The following VPS13B variants were observed in gnomAD, a reference collection of about 807,000 sequenced individuals.
VPS13B encodes intermembrane lipid transfer protein VPS13B.
Under a neutral mutation model 426.4 loss-of-function variants are expected in VPS13B, and 285 were observed. That is an observed-to-expected ratio of 0.67 (90% CI 0.61 to 0.74). VPS13B has a LOEUF of 0.74. Ranked by LOEUF, VPS13B falls within the 30% of genes least tolerant of loss-of-function variation. The pLI is 0.00. For missense variants in VPS13B, 4,537 were observed against 4,782.6 expected (o/e 0.95, Z 1.51); for synonymous variants, 1,676 against 1,676.4 (o/e 1.00, Z 0.01).
intron 43 of VPS13B, among the ~76,000 whole-genome samples, chr8:99,793,003 A>AT (rs1358811969): frequency 7.9e-5 from 12 of 151,082 alleles, no homozygotes; most frequent in African/African-American, 2.9e-4. Context: ...TCCAAGTGTT[A>AT]AAGAGCAGCC....
intron 35 of VPS13B, among the ~76,000 whole-genome samples, chr8:99,690,158 C>G (rs917480162): frequency 6.6e-6 from 1 of 152,040 alleles, no homozygotes; most frequent in South Asian, 2.1e-4. Flanking sequence ...ATATTTTTCC[C>G]ACCAGCCTCT....
At chr8:99,557,764 G>C (rs1276780379) in intron 31 of VPS13B, among the ~76,000 whole-genome samples, 2 of 152,066 alleles carry the variant, frequency 1.3e-5, no homozygotes, top group African/African-American at 4.8e-5. Context: ...TACTCTTAAC[G>C]ATTTATAGTC....
intron 39 of VPS13B, among the ~76,000 whole-genome samples, chr8:99,744,741 A>G (rs986589366): frequency 6.0e-5 from 9 of 149,928 alleles, no homozygotes; most frequent in African/African-American, 1.5e-4. Flanking sequence ...AACACTGCAT[A>G]TTCTCACTCA....
rs1810187910 is a variant in VPS13B, at chr8:99,748,016, T to G, written c.7051-18758T>G. Among the ~76,000 whole-genome samples the G allele has an allele frequency of 2.0e-5, 3 of 152,156 alleles. No individual in the cohort carries two copies. In the South Asian group the frequency reaches 6.2e-4, roughly 32 times the overall value. On this transcript the variant is annotated intron_variant, in intron 39 of 61. Coordinates refer to ENST00000357162, the MANE Select transcript of VPS13B (RefSeq NM_152564.5). ...TATCCATCCATACAATTTTTTAGTT[T>G]TCTGTTTTACATCTTTATTTTTGTA... is the stretch of plus-strand genomic sequence containing the variant.
intron 33 of VPS13B, among the ~76,000 whole-genome samples, chr8:99,611,965 G>A (rs1827861285): frequency 6.6e-6 from 1 of 152,052 alleles, no homozygotes; most frequent in African/African-American, 2.4e-5. Context: ...GGTAAATACT[G>A]AGTATTAGCC....
At position 99,134,691 on chromosome 8, in the gene VPS13B, AGTATT is replaced by A. The variant is rs386834072; in HGVS notation, c.1269_1273del (p.Cys425GlyfsTer8). The A allele has an allele frequency of 1.2e-6, 2 of 1,610,512 alleles. No individual in the cohort carries two copies. The highest frequency in any genetic ancestry group is 1.7e-6 in the Non-Finnish European group (2 of 1,178,086). Reference sequence around the variant, plus strand: ...GTCCACAGAAAGTAAAATCTAAAGAAGTATTGTGTTGGGAACAAGAAGGAACTACA... The same window carrying A: ...GTCCACAGAAAGTAAAATCTAAAGAAGTGTTGGGAACAAGAAGGAACTACA... On this transcript the variant is annotated frameshift_variant, in exon 9 of 62. Coordinates refer to ENST00000357162, the MANE Select transcript of VPS13B (RefSeq NM_152564.5). LOFTEE classifies it high-confidence loss of function.
At chr8:99,113,886 C>T (rs1422503905) in intron 6 of VPS13B, among the ~76,000 whole-genome samples, 1 of 152,004 alleles carries the variant, frequency 6.6e-6, no homozygotes, top group African/African-American at 2.4e-5. Context: ...TCAAATCTTT[C>T]ATGTATGTTT....
chr8:99,363,567 G>T (rs1812683160), intron 19 of VPS13B, among the ~76,000 whole-genome samples: 1 of 152,072 alleles, frequency 6.6e-6, no homozygotes, highest in Non-Finnish European at 1.5e-5. Context: ...GGGTAGTATG[G>T]ACGTTTTAAC....
At chr8:99,294,339 A>G (rs986873582) in intron 19 of VPS13B, among the ~76,000 whole-genome samples, 5 of 121,554 alleles carry the variant, frequency 4.1e-5, no homozygotes, top group Admixed American at 9.0e-5. Context: ...GAATTGAACA[A>G]TGAGATCACA....
At chr8:99,491,560 C>A (rs1820604109) in intron 25 of VPS13B, among the ~76,000 whole-genome samples, 2 of 152,150 alleles carry the variant, frequency 1.3e-5, no homozygotes, top group Admixed American at 6.5e-5. Context: ...TTGTTCCTTT[C>A]TTTTCACTCT....
At chr8:99,096,762 A>C (rs2132433266) in intron 4 of VPS13B, among the ~76,000 whole-genome samples, 1 of 152,134 alleles carries the variant, frequency 6.6e-6, no homozygotes, top group Admixed American at 6.5e-5. Context: ...TCTCAAAAAA[A>C]AAAAAAAAAA....
At chr8:99,435,126 G>T (rs1029869175) in intron 22 of VPS13B, among the ~76,000 whole-genome samples, 1 of 152,172 alleles carries the variant, frequency 6.6e-6, no homozygotes, top group Non-Finnish European at 1.5e-5. Context: ...CCTAGGGCAT[G>T]TACTTCCTGG....
intron 30 of VPS13B, among the ~76,000 whole-genome samples, chr8:99,534,763 T>C (rs757905184): frequency 6.6e-6 from 1 of 152,176 alleles, no homozygotes; most frequent in Admixed American, 6.5e-5. Context: ...GCTACTGTCT[T>C]AAGTGTCTGA....
intron 61 of VPS13B, among the ~76,000 whole-genome samples, chr8:99,874,655 A>G (rs1817604407): frequency 6.6e-6 from 1 of 152,078 alleles, no homozygotes; most frequent in African/African-American, 2.4e-5. Flanking sequence ...CTAGATAGCT[A>G]AAGGACTTCA....
In VPS13B at chr8:99,479,060, A is replaced by G. The variant is rs149738935; in HGVS notation, c.3667-2539A>G. ...CTACCTTTAGTGATTCTATTCTGAC[A>G]CTATCTCCTGATACTCTGCAAAATG... On this transcript the variant is annotated intron_variant, in intron 24 of 61. Transcript: ENST00000357162. Among the ~76,000 whole-genome samples the G allele has an allele frequency of 9.9e-3, 1,502 of 152,072 alleles. 14 individuals carry two copies. Among genetic ancestry groups the G allele is most frequent in the Non-Finnish European group, 0.013 (900 of 67,984 alleles).
intron 3 of VPS13B, among the ~76,000 whole-genome samples, chr8:99,063,994 A>G (rs1844338092): frequency 6.6e-6 from 1 of 152,222 alleles, no homozygotes; most frequent in Non-Finnish European, 1.5e-5. Flanking sequence ...ACAGACTTGC[A>G]GCTGAGGGAC....
At chr8:99,224,860 C>T (rs998947765) in intron 17 of VPS13B, among the ~76,000 whole-genome samples, 1 of 152,120 alleles carries the variant, frequency 6.6e-6, no homozygotes, top group Non-Finnish European at 1.5e-5. Flanking sequence ...TTGTGGGAAG[C>T]ATACAAATAG....
At chr8:99,623,394 C>T (rs1019673057) in intron 33 of VPS13B, among the ~76,000 whole-genome samples, 5 of 152,160 alleles carry the variant, frequency 3.3e-5, no homozygotes, top group Admixed American at 6.5e-5. Flanking sequence ...TACTAACATA[C>T]TGCATATTAT....
intron 17 of VPS13B, among the ~76,000 whole-genome samples, chr8:99,267,326 G>C (rs2132969545): frequency 6.6e-6 from 1 of 152,316 alleles, no homozygotes; most frequent in African/African-American, 2.4e-5. Flanking sequence ...CTTTGAACTT[G>C]AGAGAGATGA....
Sources: gnomAD v4.1 joint callset for allele counts (sites outside exome capture counted in the v4.1 genomes callset) on GRCh38, gnomAD v4.1.1 for gene constraint, MANE v1.5 for transcripts, NCBI Gene and HGNC (gene_info 2026-07-23, HGNC 2026-07-21) for gene names.